Variants in TBC1D5 observed in about 807,000 individuals in gnomAD.
The protein encoded by TBC1D5 is TBC1 domain family member 5.
Under a neutral mutation model 100.3 loss-of-function variants are expected in TBC1D5, and 75 were observed. The ratio of observed to expected loss-of-function variants is 0.75; its 90% CI spans 0.62 to 0.91. TBC1D5 has a LOEUF of 0.91. Ranked by LOEUF, TBC1D5 falls within the 40% of genes least tolerant of loss-of-function variation. The pLI, the probability that TBC1D5 is intolerant of heterozygous loss-of-function variation, is 0.00. For missense variants in TBC1D5, 910 were observed against 942.4 expected, an observed-to-expected ratio of 0.97 and a Z score of 0.45; for synonymous variants, 323 against 325.6, an observed-to-expected ratio of 0.99 and a Z score of 0.09.
At chr3:17,735,021 A>T (rs770148662) in intron 1 of TBC1D5, among the ~76,000 whole-genome samples, 1 of 152,156 alleles carries the variant, frequency 6.6e-6, no homozygotes, top group African/African-American at 2.4e-5. Flanking sequence ...TGAGCCTAGG[A>T]GCTCAAGGAC....
intron 17 of TBC1D5, 62 bp downstream of exon 17, chr3:17,238,101 G>C: frequency 6.5e-7 from 1 of 1,544,948 alleles, no homozygotes. Flanking sequence ...TCACAGGCAG[G>C]TGAAGAAATC....
chr3:17,527,189 A>G (rs1310311745), intron 2 of TBC1D5, among the ~76,000 whole-genome samples: 2 of 152,216 alleles, frequency 1.3e-5, no homozygotes, highest in African/African-American at 2.4e-5. Flanking sequence ...GAAAGATGGG[A>G]TATGACTGAA....
chr3:17,271,862 C>G (rs1394766135), intron 15 of TBC1D5, among the ~76,000 whole-genome samples: 2 of 152,018 alleles, frequency 1.3e-5, no homozygotes, highest in Non-Finnish European at 2.9e-5. Context: ...TTGAGATGAT[C>G]ATATGGTTTT....
intron 1 of TBC1D5, among the ~76,000 whole-genome samples, chr3:17,696,953 C>T (rs375231151): frequency 2.0e-4 from 30 of 152,140 alleles, no homozygotes; most frequent in South Asian, 2.1e-4. Context: ...ATTCAACATA[C>T]GCAAATCAAT....
intron 2 of TBC1D5, among the ~76,000 whole-genome samples, chr3:17,534,897 G>A (rs1017446294): frequency 6.6e-6 from 1 of 152,104 alleles, no homozygotes; most frequent in African/African-American, 2.4e-5. Flanking sequence ...GACCCAGGGT[G>A]GTTGTTTTAA....
At chr3:17,273,090 C>A (rs1465318579) in intron 15 of TBC1D5, among the ~76,000 whole-genome samples, 1 of 152,048 alleles carries the variant, frequency 6.6e-6, no homozygotes, top group South Asian at 2.1e-4. Flanking sequence ...CAATGCGTAC[C>A]CTAAATATGT....
chr3:17,623,333 T>C (rs2062825901), intron 2 of TBC1D5, among the ~76,000 whole-genome samples: 1 of 152,176 alleles, frequency 6.6e-6, no homozygotes, highest in African/African-American at 2.4e-5. Flanking sequence ...CAGGACAAAA[T>C]GTTGAGGCCC....
chr3:17,619,827 C>A (rs1353630080), intron 2 of TBC1D5, among the ~76,000 whole-genome samples: 4 of 152,136 alleles, frequency 2.6e-5, no homozygotes, highest in African/African-American at 7.2e-5. Context: ...CAGATAAATG[C>A]CTAATATCCC....
At position 17,240,672 on chromosome 3, in the gene TBC1D5, A is replaced by G. The variant is rs146907900; in HGVS notation, c.1332-2253T>C. Among the ~76,000 whole-genome samples the G allele has an allele frequency of 9.1e-3, 1,392 of 152,254 alleles. 23 individuals carry two copies. Among genetic ancestry groups the G allele is most frequent in the African/African-American group, 0.031 (1,299 of 41,564 alleles). ...TACATTCCCATTTCCTGTGAGTGAT[A>G]GTATAAAGAAAAGCTATCATGGACT... On this transcript the variant is annotated intron_variant, in intron 16 of 21. Coordinates refer to ENST00000253692, the Ensembl canonical transcript of TBC1D5.
At chr3:17,707,289 GGGGAAA>G in intron 1 of TBC1D5, among the ~76,000 whole-genome samples, 1 of 151,024 alleles carries the variant, frequency 6.6e-6, no homozygotes, top group South Asian at 2.1e-4. Flanking sequence ...CTGTGTTCTG[GGGGAAA>G]AAAAGCTTTC....
intron 1 of TBC1D5, among the ~76,000 whole-genome samples, chr3:17,716,130 T>C (rs2075219910): frequency 6.6e-6 from 1 of 152,078 alleles, no homozygotes; most frequent in South Asian, 2.1e-4. Context: ...TTAGATGAAA[T>C]GAACAACTTA....
At chr3:17,420,226 T>A (rs1209100010) in intron 4 of TBC1D5, among the ~76,000 whole-genome samples, 1 of 151,668 alleles carries the variant, frequency 6.6e-6, no homozygotes, top group South Asian at 2.1e-4. Flanking sequence ...AAAATAAAGA[T>A]ATAGACAAAC....
intron 1 of TBC1D5, among the ~76,000 whole-genome samples, chr3:17,664,260 C>T (rs552802019): frequency 2.6e-5 from 4 of 152,034 alleles, no homozygotes; most frequent in Admixed American, 6.6e-5. Flanking sequence ...TTAATAGAGA[C>T]GGGGTTTCAT....
At chr3:17,560,237 A>C (rs895651866) in intron 2 of TBC1D5, among the ~76,000 whole-genome samples, 1 of 152,226 alleles carries the variant, frequency 6.6e-6, no homozygotes. Context: ...GGAACTCAGC[A>C]GGTCAAACAA....
chr3:17,669,803 G>A (rs1311662562), intron 1 of TBC1D5, among the ~76,000 whole-genome samples: 1 of 152,158 alleles, frequency 6.6e-6, no homozygotes, highest in East Asian at 1.9e-4. Flanking sequence ...GAGTAAAAAT[G>A]CAACTCAATG....
intron 2 of TBC1D5, among the ~76,000 whole-genome samples, chr3:17,587,641 C>A (rs1048208172): frequency 6.6e-6 from 1 of 151,950 alleles, no homozygotes; most frequent in Non-Finnish European, 1.5e-5. Flanking sequence ...AAGAGAACTA[C>A]GCATTACATT....
At chr3:17,454,662 A>G (rs2095014067) in intron 3 of TBC1D5, among the ~76,000 whole-genome samples, 1 of 152,032 alleles carries the variant, frequency 6.6e-6, no homozygotes, top group East Asian at 1.9e-4. Flanking sequence ...GGGTTTCACC[A>G]TGTTAGCCAG....
intron 13 of TBC1D5, among the ~76,000 whole-genome samples, chr3:17,358,159 C>A (rs1321250225): frequency 7.1e-6 from 1 of 140,902 alleles, no homozygotes; most frequent in Non-Finnish European, 1.6e-5. Flanking sequence ...ATACTGTCCA[C>A]AATGTTCACT....
chr3:17,612,229 G>T (rs533505042), intron 2 of TBC1D5, among the ~76,000 whole-genome samples: 1 of 151,244 alleles, frequency 6.6e-6, no homozygotes, highest in Non-Finnish European at 1.5e-5. Context: ...GAGCCCCAGG[G>T]GTCTAGGCTA....
Sources: allele counts gnomAD v4.1 joint callset (sites outside exome capture counted in the v4.1 genomes callset), GRCh38; gene constraint gnomAD v4.1.1; transcripts MANE v1.5; gene names NCBI Gene and HGNC (gene_info 2026-07-23, HGNC 2026-07-21).